The following KCND2 variants were observed in gnomAD, a reference collection of about 807,000 sequenced individuals.
The protein encoded by KCND2 is A-type voltage-gated potassium channel KCND2.
KCND2 carries 16 observed loss-of-function variants against 54.4 expected under a neutral mutation model. That is an observed-to-expected ratio of 0.29 (90% confidence interval 0.20 to 0.45). KCND2 has a LOEUF of 0.45. Among genes scored for constraint, KCND2 ranks in the 20% least tolerant of loss-of-function variants. The probability of loss-of-function intolerance (pLI) is 1.00; values close to 1 mark genes in which losing one functional copy is unlikely to be tolerated. For missense variants in KCND2, 486 were observed against 824.2 expected (o/e 0.59, Z 5.02); for synonymous variants, 317 against 310.7 (o/e 1.02, Z -0.21).
At chr7:120,317,775 G>A (rs1799834492) in intron 1 of KCND2, among the ~76,000 whole-genome samples, 1 of 152,058 alleles carries the variant, frequency 6.6e-6, no homozygotes, top group African/African-American at 2.4e-5. Context: ...GTAATTAAGT[G>A]TACTCATTAT....
intron 1 of KCND2, among the ~76,000 whole-genome samples, chr7:120,437,185 G>A (rs1584778550): frequency 2.0e-5 from 3 of 149,562 alleles, no homozygotes; most frequent in African/African-American, 7.5e-5. Flanking sequence ...AGCCACTACT[G>A]GAGACAATCA....
intron 1 of KCND2, among the ~76,000 whole-genome samples, chr7:120,672,289 A>G (rs1792001895): frequency 6.6e-6 from 1 of 152,084 alleles, no homozygotes; most frequent in Non-Finnish European, 1.5e-5. Flanking sequence ...TTCACTTCCT[A>G]CGATTCATTC....
intron 1 of KCND2, among the ~76,000 whole-genome samples, chr7:120,367,251 A>G (rs1235794576): frequency 6.6e-6 from 1 of 152,096 alleles, no homozygotes; most frequent in African/African-American, 2.4e-5. Context: ...CTGCCTAATT[A>G]TTTTCTGTGG....
At chr7:120,296,066 T>A (rs745340895) in intron 1 of KCND2, among the ~76,000 whole-genome samples, 2 of 152,112 alleles carry the variant, frequency 1.3e-5, no homozygotes, top group African/African-American at 4.8e-5. Context: ...CACTTTCTAA[T>A]GTATAGTATT....
chr7:120,596,464 T>C (rs1242588497), intron 1 of KCND2, among the ~76,000 whole-genome samples: 1 of 152,180 alleles, frequency 6.6e-6, no homozygotes, highest in Non-Finnish European at 1.5e-5. Context: ...TTAAAAATTG[T>C]GTGTGTTGTA....
intron 1 of KCND2, among the ~76,000 whole-genome samples, chr7:120,398,983 C>A (rs930030194): frequency 2.6e-5 from 4 of 151,810 alleles, no homozygotes; most frequent in African/African-American, 9.7e-5. Context: ...TCCATAAAGC[C>A]TTTTTTAAAT....
chr7:120,442,841 G>A (rs1447301801), intron 1 of KCND2, among the ~76,000 whole-genome samples: 1 of 152,056 alleles, frequency 6.6e-6, no homozygotes, highest in Non-Finnish European at 1.5e-5. Flanking sequence ...GGAACAATTA[G>A]TTTCAAGCTA....
chr7:120,603,266 T>A (rs575918541), intron 1 of KCND2, among the ~76,000 whole-genome samples: 1 of 152,348 alleles, frequency 6.6e-6, no homozygotes, highest in African/African-American at 2.4e-5. Context: ...ATAAGTTCTT[T>A]CTAGCTCCTC....
chr7:120,666,272 G>A (rs1791925932), intron 1 of KCND2, among the ~76,000 whole-genome samples: 2 of 151,992 alleles, frequency 1.3e-5, no homozygotes, highest in African/African-American at 4.8e-5. Flanking sequence ...GTATTGAAAA[G>A]CAGGAATAAA....
In KCND2 at chr7:120,748,446, C is replaced by T. The variant is rs1377615918; in HGVS notation, c.*588C>T. 5 of 153,154 alleles carry T rather than the reference C, an allele frequency of 3.3e-5. No individual in the cohort carries two copies. Among genetic ancestry groups the T allele is most frequent in the African/African-American group, 1.2e-4 (5 of 41,440 alleles). 9.5% of individuals were successfully genotyped at this position (153,154 alleles called of 1,614,324 possible). On this transcript the variant is annotated 3_prime_UTR_variant, in exon 6 of 6. Coordinates refer to ENST00000331113, the MANE Select transcript of KCND2 (RefSeq NM_012281.3). Reference sequence around the variant, plus strand: ...GTAATTTCTGTGCACTTACAACAAGCTGAGTGTTCATGTTCCATGGTGGGC... The same window carrying T: ...GTAATTTCTGTGCACTTACAACAAGTTGAGTGTTCATGTTCCATGGTGGGC...
chr7:120,388,700 G>T (rs1365307575), intron 1 of KCND2, among the ~76,000 whole-genome samples: 6 of 151,898 alleles, frequency 4.0e-5, no homozygotes, highest in Non-Finnish European at 8.8e-5. Flanking sequence ...CTCCCCATGT[G>T]GGCATCCATG....
At chr7:120,295,694 A>G (rs1440960579) in intron 1 of KCND2, among the ~76,000 whole-genome samples, 1 of 152,092 alleles carries the variant, frequency 6.6e-6, no homozygotes, top group Non-Finnish European at 1.5e-5. Context: ...TTATGTGTTA[A>G]TTTACTAGTA....
intron 1 of KCND2, among the ~76,000 whole-genome samples, chr7:120,421,504 CA>C (rs1563040858): frequency 6.6e-6 from 1 of 152,154 alleles, no homozygotes; most frequent in Non-Finnish European, 1.5e-5. Flanking sequence ...ATTTTGAAGA[CA>C]GAATGAGAAA....
intron 1 of KCND2, among the ~76,000 whole-genome samples, chr7:120,723,183 A>T (rs1046145514): frequency 9.9e-5 from 15 of 152,176 alleles, no homozygotes; most frequent in South Asian, 8.3e-4. Flanking sequence ...GAAAACCAAA[A>T]CATGCATCTT....
chr7:120,549,735 A>G (rs929360113), intron 1 of KCND2, among the ~76,000 whole-genome samples: 2 of 152,142 alleles, frequency 1.3e-5, no homozygotes, highest in African/African-American at 2.4e-5. Context: ...AATGTGTTAT[A>G]AGGTGTTTAT....
intron 1 of KCND2, among the ~76,000 whole-genome samples, chr7:120,670,992 C>T (rs549098467): frequency 1.4e-4 from 21 of 151,578 alleles, no homozygotes; most frequent in African/African-American, 4.3e-4. Context: ...GATTGCTAGT[C>T]CTTAATCTAC....
At chr7:120,460,422 A>G (rs1802266350) in intron 1 of KCND2, among the ~76,000 whole-genome samples, 1 of 152,030 alleles carries the variant, frequency 6.6e-6, no homozygotes, top group African/African-American at 2.4e-5. Flanking sequence ...CTCTTTTTCC[A>G]CTTTCTTGCA....
At chr7:120,636,164 C>A (rs1267054674) in intron 1 of KCND2, among the ~76,000 whole-genome samples, 1 of 151,906 alleles carries the variant, frequency 6.6e-6, no homozygotes, top group Admixed American at 6.6e-5. Context: ...TTATAGTTAA[C>A]ATATATATTG....
At chr7:120,651,729 G>A (rs1409319124) in intron 1 of KCND2, among the ~76,000 whole-genome samples, 1 of 152,106 alleles carries the variant, frequency 6.6e-6, no homozygotes, top group African/African-American at 2.4e-5. Flanking sequence ...CTGTAGACTG[G>A]AGCTGTTCCT....
Sources: gnomAD v4.1 joint callset for allele counts (sites outside exome capture counted in the v4.1 genomes callset) on GRCh38, gnomAD v4.1.1 for gene constraint, MANE v1.5 for transcripts, NCBI Gene and HGNC (gene_info 2026-07-23, HGNC 2026-07-21) for gene names.